Variants in ZFHX3 observed in about 807,000 individuals in gnomAD.
The protein encoded by ZFHX3 is zinc finger homeobox protein 3.
A neutral mutation model predicts 279.1 loss-of-function variants in ZFHX3; 42 were observed. The ratio of observed to expected loss-of-function variants is 0.15; its 90% CI spans 0.12 to 0.19. The LOEUF (loss-of-function observed/expected upper bound fraction) is 0.19. Among genes scored for constraint, ZFHX3 ranks in the 10% least tolerant of loss-of-function variants. The pLI, the probability that ZFHX3 is intolerant of heterozygous loss-of-function variation, is 1.00. For missense variants in ZFHX3, 4,981 were observed against 4,754.0 expected, an observed-to-expected ratio of 1.05 and a Z score of -1.40; for synonymous variants, 2,293 against 1,957.8, an observed-to-expected ratio of 1.17 and a Z score of -4.52.
chr16:73,316,538 C>T (rs2015453344), intron 4 of ZFHX3, among the ~76,000 whole-genome samples: 1 of 152,318 alleles, frequency 6.6e-6, no homozygotes, highest in Non-Finnish European at 1.5e-5. Flanking sequence ...AGTAGATACT[C>T]TTTGATATTC....
At chr16:72,983,794 C>A (rs117213458) in intron 1 of ZFHX3, among the ~76,000 whole-genome samples, 2,733 of 152,256 alleles carry the variant, frequency 0.018, 46 homozygotes, top group Non-Finnish European at 0.027. Flanking sequence ...ACCATTCCTA[C>A]CATCTGTCCT....
intron 3 of ZFHX3, among the ~76,000 whole-genome samples, chr16:72,902,162 T>C (rs2039053798): frequency 6.6e-6 from 1 of 152,232 alleles, no homozygotes; most frequent in African/African-American, 2.4e-5. Flanking sequence ...ACCATGTTAA[T>C]TGTAAATACA....
Position 73,752,357 on chromosome 16 carries a change from C to G in ZFHX3, c.-1607-72117G>C, listed in dbSNP as rs573025660. ...TTGGCTGAAACCCAACTAGGATTAT[C>G]TGAGGAAATAAAAATGCATGAAAAC... On this transcript the variant is annotated intron_variant, in intron 1 of 17. Coordinates refer to the ZFHX3 transcript ENST00000641206. Among the ~76,000 whole-genome samples the G allele has an allele frequency of 2.0e-5, 3 of 152,274 alleles. No homozygotes were observed. In the South Asian group the frequency reaches 6.2e-4, roughly 32 times the overall value.
chr16:73,127,557 G>T, intron 7 of ZFHX3: 2 of 1,305,446 alleles, frequency 1.5e-6, no homozygotes, highest in Non-Finnish European at 1.0e-6. Context: ...GGGCTCAGCC[G>T]AGCTGACTGG....
intron 2 of ZFHX3, among the ~76,000 whole-genome samples, chr16:73,629,253 G>C (rs1479799388): frequency 6.6e-6 from 1 of 152,090 alleles, no homozygotes; most frequent in Non-Finnish European, 1.5e-5. Flanking sequence ...TGCCCTGTAT[G>C]TTGCCTGGAA....
At chr16:73,744,695 C>T in intron 1 of ZFHX3, among the ~76,000 whole-genome samples, 1 of 152,138 alleles carries the variant, frequency 6.6e-6, no homozygotes, top group Non-Finnish European at 1.5e-5. Flanking sequence ...GTCTCATTAC[C>T]ACCTTTATTC....
chr16:72,789,011 G>A lies in ZFHX3; in HGVS notation c.9428-163C>T, dbSNP rs1171905239. 6 of 1,064,022 alleles carry A rather than the reference G, an allele frequency of 5.6e-6. No homozygotes were observed. The East Asian group carries it at 1.6e-4, about 29-fold the overall frequency. 65.9% of individuals were successfully genotyped at this position (1,064,022 alleles called of 1,614,324 possible). A position where few individuals can be genotyped will look rare whatever the true frequency, so the allele number is the denominator to read the frequency against. Reference sequence around the variant, plus strand: ...ACAGAAGTATCCCACCAGGCTCAGGGCTGGACAACCTTGTATTCTAATGAG... The same window carrying A: ...ACAGAAGTATCCCACCAGGCTCAGGACTGGACAACCTTGTATTCTAATGAG... On this transcript the variant is annotated intron_variant, in intron 9 of 9. Transcript: ENST00000268489.
chr16:73,735,436 G>T (rs2053601385), intron 1 of ZFHX3, among the ~76,000 whole-genome samples: 1 of 149,538 alleles, frequency 6.7e-6, no homozygotes, highest in Admixed American at 6.7e-5. Context: ...CCAGTCCTTG[G>T]TAACCGCCAT....
intron 6 of ZFHX3, among the ~76,000 whole-genome samples, chr16:73,137,900 G>C (rs898440512): frequency 1.3e-5 from 2 of 152,070 alleles, no homozygotes; most frequent in African/African-American, 4.8e-5. Flanking sequence ...TGGGGTATTG[G>C]GGGGTGGGGG....
At chr16:73,655,486 A>T (rs1456006671) in intron 2 of ZFHX3, among the ~76,000 whole-genome samples, 4 of 152,226 alleles carry the variant, frequency 2.6e-5, no homozygotes, top group East Asian at 1.9e-4. Flanking sequence ...CATCAGCAAA[A>T]GACAGTTAGA....
chr16:73,291,694 G>T (rs1002957912), intron 4 of ZFHX3, among the ~76,000 whole-genome samples: 1 of 152,162 alleles, frequency 6.6e-6, no homozygotes, highest in Non-Finnish European at 1.5e-5. Flanking sequence ...GAATAGGCAG[G>T]TACCTTTAAC....
Position 73,396,814 on chromosome 16 carries a change from A to T in ZFHX3, c.-1291+59189T>A, listed in dbSNP as rs553539959. On this transcript the variant is annotated intron_variant, in intron 3 of 17. Transcript: ENST00000641206. ...GAGTTGGGTGGGGACACAGGGCCAA[A>T]CCATATCACTAAGCACCAGGGTATC... Among the ~76,000 whole-genome samples the T allele has an allele frequency of 1.1e-4, 16 of 152,334 alleles. No homozygotes were observed. In the East Asian group the frequency reaches 2.7e-3, roughly 26 times the overall value.
chr16:73,627,264 G>T (rs1441324880), intron 2 of ZFHX3, among the ~76,000 whole-genome samples: 6 of 152,224 alleles, frequency 3.9e-5, no homozygotes, highest in African/African-American at 1.4e-4. Flanking sequence ...GACAGAGAGA[G>T]GCAGGAGGAG....
chr16:73,729,966 A>G (rs2053555088), intron 1 of ZFHX3, among the ~76,000 whole-genome samples: 1 of 152,226 alleles, frequency 6.6e-6, no homozygotes, highest in Non-Finnish European at 1.5e-5. Flanking sequence ...TTCAAGTTTG[A>G]TCATATCAAA....
chr16:72,851,394 C>T (rs2037613635), intron 4 of ZFHX3, among the ~76,000 whole-genome samples: 2 of 152,194 alleles, frequency 1.3e-5, no homozygotes, highest in African/African-American at 4.8e-5. Flanking sequence ...CCACTCAACA[C>T]CACGGCGAGT....
chr16:73,729,554 CAA>C (rs374957755), intron 1 of ZFHX3, among the ~76,000 whole-genome samples: 39 of 55,072 alleles, frequency 7.1e-4, no homozygotes, highest in South Asian at 1.5e-3. Flanking sequence ...ACAAACAAAC[CAA>C]AAAAAAAAAA....
intron 5 of ZFHX3, among the ~76,000 whole-genome samples, chr16:73,160,045 G>A (rs1426330176): frequency 1.3e-5 from 2 of 152,194 alleles, no homozygotes; most frequent in African/African-American, 4.8e-5. Context: ...TTACAGGCAT[G>A]AGCCTCCACG....
intron 3 of ZFHX3, among the ~76,000 whole-genome samples, chr16:72,921,776 G>A (rs962382716): frequency 1.3e-5 from 2 of 152,254 alleles, no homozygotes; most frequent in Admixed American, 1.3e-4. Context: ...TCAGGCCCCA[G>A]GAAGCTGGCG....
At chr16:73,240,854 A>G (rs1375561090) in intron 5 of ZFHX3, among the ~76,000 whole-genome samples, 1 of 152,244 alleles carries the variant, frequency 6.6e-6, no homozygotes, top group Non-Finnish European at 1.5e-5. Flanking sequence ...GCTTATTTCC[A>G]AATAGAGAAA....
Sources: gnomAD v4.1 joint callset for allele counts (sites outside exome capture counted in the v4.1 genomes callset) on GRCh38, gnomAD v4.1.1 for gene constraint, MANE v1.5 for transcripts, NCBI Gene and HGNC (gene_info 2026-07-23, HGNC 2026-07-21) for gene names.